SOD2: variants seen among roughly 807,000 people sequenced by gnomAD.
The protein encoded by SOD2 is superoxide dismutase 2, also known as superoxide dismutase [Mn], mitochondrial.
A neutral mutation model predicts 27.0 loss-of-function variants in SOD2; 11 were observed. That is an observed-to-expected ratio of 0.41 (90% confidence interval 0.26 to 0.67). SOD2 has a LOEUF of 0.67. Ranked by LOEUF, SOD2 falls within the 30% of genes least tolerant of loss-of-function variation. The probability of loss-of-function intolerance (pLI) is 0.34; values close to 1 mark genes in which losing one functional copy is unlikely to be tolerated. For synonymous variants in SOD2, 105 were observed against 103.0 expected, an observed-to-expected ratio of 1.02 and a Z score of -0.12; for missense variants, 250 against 274.5, an observed-to-expected ratio of 0.91 and a Z score of 0.63.
chr6:159,755,790 T>C (rs561336803), intron 1 of SOD2: 4 of 848,856 alleles, frequency 4.7e-6, no homozygotes, highest in East Asian at 3.6e-5. Context: ...TTTTTTTTTT[T>C]GCTTCAATAC....
upstream of SOD2, chr6:159,727,570 G>C (rs1442374180): frequency 1.0e-5 from 10 of 987,394 alleles, no homozygotes; most frequent in Admixed American, 2.5e-4. Context: ...GGTTGCGGCG[G>C]GACTAGGAGC....
chr6:159,742,892 CA>C (rs60309252), intron 1 of SOD2, among the ~76,000 whole-genome samples: 37 of 137,852 alleles, frequency 2.7e-4, no homozygotes, highest in Non-Finnish European at 2.4e-4. Flanking sequence ...CTTGTCTCTA[CA>C]AAAAAAAAAA....
chr6:159,739,859 C>T (rs1779143500), intron 1 of SOD2, among the ~76,000 whole-genome samples: 1 of 82,000 alleles, frequency 1.2e-5, no homozygotes, highest in South Asian at 4.2e-4. Context: ...TTTTTTTTTG[C>T]CATAATCTCA....
chr6:159,757,296 A>G (rs1562470620), intron 1 of SOD2, among the ~76,000 whole-genome samples: 1 of 152,256 alleles, frequency 6.6e-6, no homozygotes, highest in Admixed American at 6.5e-5. Context: ...AAACTGAGGT[A>G]CAACTTATTT....
Position 159,692,759 on chromosome 6 carries a change from T to G in SOD2, c.128A>C (p.Asn43Thr), listed in dbSNP as rs2114793452. 1 of 1,614,048 alleles carries G rather than the reference T, an allele frequency of 6.2e-7. No homozygotes were observed. The change falls in exon 2 of 5, where the codon AAC becomes ACC. Residue 43 changes from asparagine (N) to threonine (T), a missense_variant. Transcript: ENST00000538183. Reference sequence around the variant, plus strand: ...GTGGTGCAGCTGCATGATCTGCGCGTTGATGTGAGGTTCCAGGGCGCCGTA... The same window carrying G: ...GTGGTGCAGCTGCATGATCTGCGCGGTGATGTGAGGTTCCAGGGCGCCGTA... Reference protein sequence around the residue: ...YDYGALEPHINAQIMQLHHSK... With the variant: ...YDYGALEPHITAQIMQLHHSK...
chr6:159,742,247 G>A (rs1284760657), intron 1 of SOD2: 31 of 1,043,532 alleles, frequency 3.0e-5, no homozygotes, highest in Non-Finnish European at 3.6e-5. Context: ...AATTTTTCTC[G>A]TGTTTTATTA....
At chr6:159,702,734 C>T (rs1023796276) in intron 1 of SOD2, among the ~76,000 whole-genome samples, 3 of 149,258 alleles carry the variant, frequency 2.0e-5, no homozygotes, top group African/African-American at 7.4e-5. Flanking sequence ...GCCTGTAGTC[C>T]CAGTTACTGA....
rs1779622526 is a variant in SOD2, at chr6:159,670,082, A to T, written c.*12411T>A. 6.6e-6 allele frequency: 1 copy of T among 152,150 alleles called. No individual in the cohort carries two copies. Among genetic ancestry groups the T allele is most frequent in the South Asian group, 2.1e-4 (1 of 4,828 alleles). 9.4% of individuals were successfully genotyped at this position (152,150 alleles called of 1,614,324 possible). ...TAGACTCACACTGTAATCACAGCTC[A>T]CTGTAGACTCCAACTCATGACCTCA... On this transcript the variant is annotated 3_prime_UTR_variant, in exon 5 of 5. Coordinates refer to ENST00000538183, the MANE Select transcript of SOD2 (RefSeq NM_000636.4).
At chr6:159,757,813 GTGTT>G (rs1402359075) in intron 1 of SOD2, among the ~76,000 whole-genome samples, 4 of 152,192 alleles carry the variant, frequency 2.6e-5, no homozygotes, top group African/African-American at 7.2e-5. Context: ...ATCAGATACT[GTGTT>G]TGGCTTTTGT....
upstream of SOD2, among the ~76,000 whole-genome samples, chr6:159,693,635 C>G (rs1054014061): frequency 1.3e-5 from 2 of 152,212 alleles, no homozygotes; most frequent in Non-Finnish European, 2.9e-5. Flanking sequence ...GCGCCTGCCC[C>G]TGAGTTTTGG....
In SOD2 at chr6:159,674,726, A is replaced by G. The variant is rs1008534351; in HGVS notation, c.*7767T>C. On this transcript the variant is annotated 3_prime_UTR_variant, in exon 5 of 5. Transcript: ENST00000538183. ...CTCTCTCACCACTCCTATTCAACATAGTGTTGGAAGTTCTGGCCAGGGCCA... is the reference window on the plus strand; with the variant it reads ...CTCTCTCACCACTCCTATTCAACATGGTGTTGGAAGTTCTGGCCAGGGCCA... 6.6e-6 allele frequency: 1 copy of G among 152,232 alleles called. No homozygotes were observed. 9.4% of individuals were successfully genotyped at this position (152,232 alleles called of 1,614,324 possible).
intron 1 of SOD2, among the ~76,000 whole-genome samples, chr6:159,709,760 T>C (rs1255597508): frequency 6.6e-6 from 1 of 152,126 alleles, no homozygotes; most frequent in African/African-American, 2.4e-5. Context: ...AGCCATCCCA[T>C]TACTAGGTAT....
Position 159,673,069 on chromosome 6 carries a change from C to A in SOD2, c.*9424G>T, listed in dbSNP as rs1273087237. ...GCTAACTATCTTAAATATATATGCA[C>A]CCAATACAGGAGCACCCAGATTCAT... On this transcript the variant is annotated 3_prime_UTR_variant, in exon 5 of 5. Coordinates refer to ENST00000538183, the MANE Select transcript of SOD2 (RefSeq NM_000636.4). 6.6e-6 allele frequency: 1 copy of A among 152,136 alleles called. No homozygotes were observed. Among genetic ancestry groups the A allele is most frequent in the African/African-American group, 2.4e-5 (1 of 41,404 alleles). The allele number at this position is 152,136 out of a possible 1,614,324, so 9.4% of individuals were successfully genotyped here. A position where few individuals can be genotyped will look rare whatever the true frequency, so the allele number is the denominator to read the frequency against.
chr6:159,679,846 G>C lies in SOD2; in HGVS notation c.*2647C>G, dbSNP rs1378288839. ...GGGTTTCACCACGTTGGCCACGCTGGTCTTGAACTCCTTCAAGTGTTCTGC... is the reference window on the plus strand; with the variant it reads ...GGGTTTCACCACGTTGGCCACGCTGCTCTTGAACTCCTTCAAGTGTTCTGC... On this transcript the variant is annotated 3_prime_UTR_variant, in exon 5 of 5. Transcript: ENST00000538183. The C allele has an allele frequency of 2.0e-5, 3 of 151,958 alleles. No homozygotes were observed. Among genetic ancestry groups the C allele is most frequent in the African/African-American group, 7.2e-5 (3 of 41,380 alleles). 9.4% of individuals were successfully genotyped at this position (151,958 alleles called of 1,614,324 possible).
At chr6:159,724,744 C>T (rs1011079805) in intron 1 of SOD2, among the ~76,000 whole-genome samples, 5 of 151,370 alleles carry the variant, frequency 3.3e-5, no homozygotes, top group Admixed American at 6.6e-5. Context: ...CCCAGCTACT[C>T]GGGAGGCTGA....
upstream of SOD2, among the ~76,000 whole-genome samples, chr6:159,730,348 T>C (rs1778491393): frequency 6.6e-6 from 1 of 152,228 alleles, no homozygotes; most frequent in Non-Finnish European, 1.5e-5. Context: ...GTTTTTCTGA[T>C]ACGAGAATAG....
chr6:159,743,645 A>AT (rs575642633), intron 1 of SOD2: 237 of 1,555,252 alleles, frequency 1.5e-4, no homozygotes, highest in Middle Eastern at 4.2e-4. Context: ...TGTATTTATA[A>AT]TTTTTTTTTG....
At chr6:159,726,974 C>G (rs1183740551) in intron 1 of SOD2, 2 of 1,281,726 alleles carry the variant, frequency 1.6e-6, no homozygotes, top group Non-Finnish European at 2.0e-6. Context: ...ACAGAGCGGC[C>G]AATCACGCGC....
At chr6:159,744,365 GC>G (rs1779440611) in intron 1 of SOD2, among the ~76,000 whole-genome samples, 1 of 152,126 alleles carries the variant, frequency 6.6e-6, no homozygotes, top group African/African-American at 2.4e-5. Context: ...ATAATTAGAG[GC>G]AGCTGTATCC....
Sources: gnomAD v4.1 joint callset for allele counts (sites outside exome capture counted in the v4.1 genomes callset) on GRCh38, gnomAD v4.1.1 for gene constraint, MANE v1.5 for transcripts, NCBI Gene and HGNC (gene_info 2026-07-23, HGNC 2026-07-21) for gene names.